DAB2IP: variants seen among roughly 807,000 people sequenced by gnomAD.
DAB2IP encodes DAB2 interacting protein, also known as disabled homolog 2-interacting protein.
DAB2IP carries 28 observed loss-of-function variants against 107.2 expected under a neutral mutation model. The ratio of observed to expected loss-of-function variants is 0.26; its 90% CI spans 0.19 to 0.36. DAB2IP has a LOEUF of 0.36. Among genes scored for constraint, DAB2IP ranks in the 10% least tolerant of loss-of-function variants. The pLI, the probability that DAB2IP is intolerant of heterozygous loss-of-function variation, is 1.00. For synonymous variants in DAB2IP, 755 were observed against 706.4 expected, an observed-to-expected ratio of 1.07 and a Z score of -1.09; for missense variants, 1,400 against 1,644.7, an observed-to-expected ratio of 0.85 and a Z score of 2.57.
chr9:121,762,799 C>T (rs1270842626), intron 6 of DAB2IP, among the ~76,000 whole-genome samples: 2 of 152,164 alleles, frequency 1.3e-5, no homozygotes, highest in Non-Finnish European at 2.9e-5. Context: ...TTAGTATCTG[C>T]ATGGTTGCTA....
rs545387605 is a variant in DAB2IP at position 121,698,879 on chromosome 9, G to T, written c.229-446G>T. On this transcript the variant is annotated intron_variant, in intron 2 of 15. Transcript: ENST00000408936. The surrounding 1 kb of genome is among the most constrained non-coding windows in gnomAD (Gnocchi z 4.1). ...GGATTCCTCCAGGTGGGTGTGGGGG[G>T]TGTGACCTCGCACGGGGAGGACAAG... Among the ~76,000 whole-genome samples the T allele has an allele frequency of 1.3e-5, 2 of 152,108 alleles. No homozygotes were observed. Among genetic ancestry groups the T allele is most frequent in the East Asian group, 1.9e-4 (1 of 5,164 alleles).
At chr9:121,725,658 G>C (rs140463152) in intron 3 of DAB2IP, among the ~76,000 whole-genome samples, 150 of 152,360 alleles carry the variant, frequency 9.8e-4, no homozygotes, top group African/African-American at 3.4e-3. Flanking sequence ...GACTCTACCA[G>C]CGCTCAAGGA....
chr9:121,675,181 C>T (rs1366083157), intron 1 of DAB2IP, among the ~76,000 whole-genome samples: 1 of 152,094 alleles, frequency 6.6e-6, no homozygotes, highest in Non-Finnish European at 1.5e-5. Context: ...GTGAGTCATC[C>T]TTCCTAAAGT....
Position 121,776,287 on chromosome 9 carries a change from G to A in DAB2IP, c.3210G>A (p.Thr1070=), listed in dbSNP as rs201092583. 1.9e-5 allele frequency: 30 copies of A among 1,579,424 alleles called. No homozygotes were observed. The highest frequency in any genetic ancestry group is 5.4e-5 in the African/African-American group (4 of 74,564). Residue 1070 remains threonine (T), a synonymous_variant, in exon 14 of 16, where the codon ACG becomes ACA. Transcript: ENST00000408936. This position sits in a 1 kb window ranked among gnomAD's most constrained non-coding sequence, Gnocchi z 5.4. ...TGTTCAAGTGCCAGGAGGAGACGAC[G>A]CAGAAGCTGGTGCTGGAGTACCAGG...
intron 2 of DAB2IP, among the ~76,000 whole-genome samples, chr9:121,696,596 A>G (rs530541512): frequency 9.2e-5 from 14 of 152,270 alleles, no homozygotes; most frequent in Admixed American, 2.0e-4. Context: ...GAGAGCAACA[A>G]GCTGTGTGGC....
rs532228435 is a variant in DAB2IP at position 121,748,934 on chromosome 9, G to A, written c.363-8079G>A. On this transcript the variant is annotated intron_variant, in intron 3 of 15. Coordinates refer to ENST00000408936, the Ensembl canonical transcript of DAB2IP. The stretch of plus-strand genomic sequence containing the variant: ...CAGGGCGTTCTGTGTGTATGGGGGC[G>A]TCACAACTGGGTCTTGGTGACTGCT... Among the ~76,000 whole-genome samples, 9 of 152,310 alleles carry A rather than the reference G, an allele frequency of 5.9e-5. No individual in the cohort carries two copies. In the East Asian group the frequency reaches 1.7e-3, roughly 29 times the overall value.
In DAB2IP at chr9:121,782,592, C is replaced by T; in HGVS notation, c.*94C>T. 1 of 1,547,156 alleles carries T rather than the reference C, an allele frequency of 6.5e-7. No homozygotes were observed. The highest frequency in any genetic ancestry group is 8.7e-7 in the Non-Finnish European group (1 of 1,144,092). Reference sequence around the variant, plus strand: ...CTGGGGAGGCACCCACGGTTGCAGCCCCAGCGCGGGTGTCAGGAGGCCGAG... The same window carrying T: ...CTGGGGAGGCACCCACGGTTGCAGCTCCAGCGCGGGTGTCAGGAGGCCGAG... On this transcript the variant is annotated 3_prime_UTR_variant, in exon 16 of 16. Transcript: ENST00000408936. The surrounding 1 kb of genome is among the most constrained non-coding windows in gnomAD (Gnocchi z 6.1).
chr9:121,604,304 TG>T (rs955268776), intron 1 of DAB2IP, among the ~76,000 whole-genome samples: 26 of 152,294 alleles, frequency 1.7e-4, no homozygotes, highest in African/African-American at 6.3e-4. Context: ...AACCTCTCCC[TG>T]GGGCGAGCAG....
intron 1 of DAB2IP, among the ~76,000 whole-genome samples, chr9:121,591,558 C>G (rs1032151710): frequency 1.3e-5 from 2 of 152,134 alleles, no homozygotes; most frequent in African/African-American, 4.8e-5. Flanking sequence ...AACAAGAAAC[C>G]ATTGAAGCTT....
At chr9:121,755,403 T>C (rs559658270) in intron 3 of DAB2IP, among the ~76,000 whole-genome samples, 7 of 152,000 alleles carry the variant, frequency 4.6e-5, no homozygotes, top group Non-Finnish European at 1.0e-4. Flanking sequence ...TTGGGGAGGG[T>C]TCCCCCCTGT....
chr9:121,704,706 G>A (rs1227237080), intron 3 of DAB2IP, among the ~76,000 whole-genome samples: 4 of 151,882 alleles, frequency 2.6e-5, no homozygotes, highest in South Asian at 2.1e-4. Flanking sequence ...CCTTCCTCCC[G>A]TCCTCTCCTC....
At chr9:121,598,895 C>T (rs1231719585) in intron 1 of DAB2IP, among the ~76,000 whole-genome samples, 3 of 152,342 alleles carry the variant, frequency 2.0e-5, no homozygotes, top group Middle Eastern at 3.4e-3. Context: ...AAGATAGTCA[C>T]GCTTTAATAT....
chr9:121,572,790 G>A (rs919287217), intron 1 of DAB2IP, among the ~76,000 whole-genome samples: 4 of 152,140 alleles, frequency 2.6e-5, no homozygotes, highest in African/African-American at 9.7e-5. Context: ...AGGAGCGGGG[G>A]TTGGGCTCAG....
At chr9:121,568,292 G>A (rs1018422357) in intron 1 of DAB2IP, among the ~76,000 whole-genome samples, 1 of 152,164 alleles carries the variant, frequency 6.6e-6, no homozygotes, top group African/African-American at 2.4e-5. Flanking sequence ...TGCCACGTTT[G>A]GAGCTGCAGC....
intron 1 of DAB2IP, among the ~76,000 whole-genome samples, chr9:121,623,255 T>C (rs1831536249): frequency 6.6e-6 from 1 of 152,124 alleles, no homozygotes; most frequent in South Asian, 2.1e-4. Context: ...CCAGGGGTGG[T>C]GCAGGGCCAG....
intron 1 of DAB2IP, among the ~76,000 whole-genome samples, chr9:121,604,921 G>A (rs116756423): frequency 2.3e-3 from 356 of 152,330 alleles, no homozygotes; most frequent in African/African-American, 8.2e-3. Context: ...GGAGAGCCTC[G>A]CAGTCTGCTC....
upstream of DAB2IP, among the ~76,000 whole-genome samples, chr9:121,647,217 G>A (rs1316970898): frequency 6.6e-6 from 1 of 152,172 alleles, no homozygotes; most frequent in African/African-American, 2.4e-5. Flanking sequence ...TGTGGTTGCT[G>A]TTATCATCCC....
intron 1 of DAB2IP, among the ~76,000 whole-genome samples, chr9:121,590,291 A>C (rs1830399921): frequency 3.5e-5 from 5 of 143,108 alleles, no homozygotes; most frequent in African/African-American, 5.2e-5. Flanking sequence ...CCTCCTTCCC[A>C]CTCCTCCCCT....
intron 3 of DAB2IP, among the ~76,000 whole-genome samples, chr9:121,744,038 G>T (rs1164193160): frequency 6.6e-6 from 1 of 152,228 alleles, no homozygotes. Flanking sequence ...GGTGTCCCCT[G>T]TGGTGTGCTC....
Sources: gnomAD v4.1 joint callset for allele counts (sites outside exome capture counted in the v4.1 genomes callset) on GRCh38, gnomAD v4.1.1 for gene constraint, Gnocchi (gnomAD v3.1) non-coding constraint, MANE v1.5 for transcripts, NCBI Gene and HGNC (gene_info 2026-07-23, HGNC 2026-07-21) for gene names.